The following BANK1 variants were observed in gnomAD, a reference collection of about 807,000 sequenced individuals.
BANK1 encodes the protein B-cell scaffold protein with ankyrin repeats.
BANK1 carries 95 observed loss-of-function variants against 94.5 expected under a neutral mutation model. That is an observed-to-expected ratio of 1.00 (90% confidence interval 0.85 to 1.19). BANK1 has a LOEUF of 1.19. Ranked by LOEUF, BANK1 falls within the 50% of genes most tolerant of loss-of-function variation. The pLI, the probability that BANK1 is intolerant of heterozygous loss-of-function variation, is 0.00. For synonymous variants in BANK1, 334 were observed against 308.4 expected (o/e 1.08, Z -0.87); for missense variants, 987 against 932.2 (o/e 1.06, Z -0.77).
At chr4:101,975,635 A>C (rs964928533) in intron 7 of BANK1, among the ~76,000 whole-genome samples, 1 of 152,188 alleles carries the variant, frequency 6.6e-6, no homozygotes, top group African/African-American at 2.4e-5. Context: ...AAATGAGTTA[A>C]TGCATTAAAA....
At chr4:101,948,809 T>C (rs1724032083) in intron 7 of BANK1, among the ~76,000 whole-genome samples, 1 of 152,166 alleles carries the variant, frequency 6.6e-6, no homozygotes, top group African/African-American at 2.4e-5. Flanking sequence ...TTATGAGTTC[T>C]TGGGTCCTGC....
At position 101,895,378 on chromosome 4, in the gene BANK1, C is replaced by G. The variant is rs1029204434; in HGVS notation, c.977C>G (p.Ser326Cys). ...KHEIPYYEFQSLQTEICSQNK... is the reference protein window; with the variant it reads ...KHEIPYYEFQCLQTEICSQNK... ...GAGATACCATATTATGAGTTCCAGTCTCTTCAAACTGAAATTTGTTCTCAA... is the reference window on the plus strand; with the variant it reads ...GAGATACCATATTATGAGTTCCAGTGTCTTCAAACTGAAATTTGTTCTCAA... Residue 326 changes from serine (S) to cysteine (C), a missense_variant, in exon 6 of 17, where the codon TCT (serine) becomes TGT (cysteine). Ser to Cys is a moderately radical substitution (Grantham distance 112). Coordinates refer to ENST00000322953, the MANE Select transcript of BANK1 (RefSeq NM_017935.5). 6.3e-7 allele frequency: 1 copy of G among 1,591,886 alleles called. No homozygotes were observed.
intron 7 of BANK1, among the ~76,000 whole-genome samples, chr4:102,001,668 A>G (rs1203287767): frequency 2.0e-5 from 3 of 152,208 alleles, no homozygotes; most frequent in South Asian, 2.1e-4. Context: ...GGCGCAGTCA[A>G]CCACAGCTGA....
chr4:101,862,230 T>C (rs758209481), intron 3 of BANK1, among the ~76,000 whole-genome samples: 5 of 152,114 alleles, frequency 3.3e-5, no homozygotes, highest in Non-Finnish European at 5.9e-5. Context: ...GAGAGCCATA[T>C]TGAGGAAGAC....
intron 7 of BANK1, among the ~76,000 whole-genome samples, chr4:101,971,868 G>A (rs954312031): frequency 2.0e-5 from 3 of 151,898 alleles, no homozygotes; most frequent in Non-Finnish European, 4.4e-5. Context: ...TGCCAGTGCC[G>A]TGCTGTTTAA....
At chr4:102,040,768 C>T (rs564033789) in intron 10 of BANK1, among the ~76,000 whole-genome samples, 278 of 152,058 alleles carry the variant, frequency 1.8e-3, no homozygotes, top group African/African-American at 6.2e-3. Context: ...TTCCCAGCAC[C>T]GTTGGACCTG....
chr4:101,953,894 C>T (rs955697864), intron 7 of BANK1, among the ~76,000 whole-genome samples: 2 of 152,036 alleles, frequency 1.3e-5, no homozygotes, highest in African/African-American at 4.8e-5. Flanking sequence ...TATTTGTTTT[C>T]TAGGGCTGTT....
At chr4:101,928,843 G>A (rs1177676605) in intron 7 of BANK1, among the ~76,000 whole-genome samples, 1 of 151,616 alleles carries the variant, frequency 6.6e-6, no homozygotes, top group Non-Finnish European at 1.5e-5. Context: ...ATTTGTTCAC[G>A]GCCCATTATA....
Position 102,060,263 on chromosome 4 carries a change from T to C in BANK1, c.2022T>C (p.Thr674=). 1 of 1,608,190 alleles carries C rather than the reference T, an allele frequency of 6.2e-7. No homozygotes were observed. Among genetic ancestry groups the C allele is most frequent in the Non-Finnish European group, 8.5e-7 (1 of 1,178,182 alleles). The change falls in exon 12 of 17, where the codon ACT becomes ACC. Residue 674 remains threonine, a synonymous_variant. Transcript: ENST00000322953. ...PAFSTLRGCL[T]DGQEELILLQ... Reference sequence around the variant, plus strand: ...TTTCTACTCTCAGGGGCTGTCTAACTGATGGTCAGGAAGAACTCATCCTCC... The same window carrying C: ...TTTCTACTCTCAGGGGCTGTCTAACCGATGGTCAGGAAGAACTCATCCTCC...
At chr4:101,988,113 C>T (rs781563425) in intron 7 of BANK1, among the ~76,000 whole-genome samples, 13 of 152,068 alleles carry the variant, frequency 8.5e-5, no homozygotes, top group East Asian at 1.9e-4. Context: ...CTACCAAAAC[C>T]GAGCTGTTTC....
intron 7 of BANK1, among the ~76,000 whole-genome samples, chr4:101,942,917 A>G (rs114868342): frequency 0.026 from 3,947 of 152,022 alleles, 178 homozygotes; most frequent in African/African-American, 0.091. Flanking sequence ...GCCTTGAATG[A>G]CATGATAATC....
At chr4:101,944,770 T>G (rs1216139224) in intron 7 of BANK1, among the ~76,000 whole-genome samples, 11 of 151,928 alleles carry the variant, frequency 7.2e-5, no homozygotes, top group African/African-American at 2.7e-4. Context: ...TTTTTAAATA[T>G]TGGACAATGT....
Position 102,071,264 on chromosome 4 carries a change from T to TG in BANK1, c.2213-11_2213-10insG, listed in dbSNP as rs1728750512. 2 of 1,613,608 alleles carry TG rather than the reference T, an allele frequency of 1.2e-6. No individual in the cohort carries two copies. The highest frequency in any genetic ancestry group is 2.2e-5 in the South Asian group (2 of 91,062). ...AAAACTCAGTAGAACATGCTTTTTT[T>TG]TGTCTTCCAGATAAACTCACCATTG... On this transcript the variant is annotated splice_polypyrimidine_tract_variant and intron_variant, in intron 13 of 16. Transcript: ENST00000322953.
At chr4:101,973,579 G>A (rs1287293333) in intron 7 of BANK1, among the ~76,000 whole-genome samples, 1 of 151,984 alleles carries the variant, frequency 6.6e-6, no homozygotes, top group Non-Finnish European at 1.5e-5. Flanking sequence ...ATTTTATGAT[G>A]TGGAAATTCC....
At chr4:101,970,810 T>A (rs1724927793) in intron 7 of BANK1, among the ~76,000 whole-genome samples, 1 of 152,112 alleles carries the variant, frequency 6.6e-6, no homozygotes, top group Admixed American at 6.6e-5. Flanking sequence ...GAATCTGGTT[T>A]TATGTTCCCT....
At chr4:101,859,033 T>C (rs1477013325) in intron 3 of BANK1, among the ~76,000 whole-genome samples, 1 of 152,196 alleles carries the variant, frequency 6.6e-6, no homozygotes, top group Non-Finnish European at 1.5e-5. Context: ...CGTTCATCCC[T>C]TGACTCTGAA....
At chr4:101,977,271 G>A (rs937563170) in intron 7 of BANK1, among the ~76,000 whole-genome samples, 4 of 152,138 alleles carry the variant, frequency 2.6e-5, no homozygotes, top group Non-Finnish European at 5.9e-5. Context: ...ATAAGGAAGG[G>A]AATGTGGTGA....
At chr4:101,978,152 AAAAAAAAG>A (rs1206906856) in intron 7 of BANK1, among the ~76,000 whole-genome samples, 2 of 151,870 alleles carry the variant, frequency 1.3e-5, no homozygotes, top group South Asian at 2.1e-4. Context: ...GGTACTTAAA[AAAAAAAAG>A]AAAAAAAGAA....
chr4:101,854,600 GCTTT>G (rs1243703249), intron 2 of BANK1, among the ~76,000 whole-genome samples: 1 of 151,330 alleles, frequency 6.6e-6, no homozygotes, highest in African/African-American at 2.4e-5. Flanking sequence ...CCATAATTGT[GCTTT>G]CTGTTTTTTT....
Sources: gnomAD v4.1 joint callset for allele counts (sites outside exome capture counted in the v4.1 genomes callset) on GRCh38, gnomAD v4.1.1 for gene constraint, MANE v1.5 for transcripts, NCBI Gene and HGNC (gene_info 2026-07-23, HGNC 2026-07-21) for gene names.